The following TENM3 variants were observed in gnomAD, a reference collection of about 807,000 sequenced individuals.
The protein encoded by TENM3 is teneurin-3.
A neutral mutation model predicts 255.1 loss-of-function variants in TENM3; 63 were observed. The observed-to-expected ratio is 0.25, with a 90% CI of 0.20 to 0.30. TENM3 has a LOEUF of 0.30. Ranked by LOEUF, TENM3 falls within the 10% of genes least tolerant of loss-of-function variation. TENM3 has a pLI of 1.00. For missense variants in TENM3, 2,929 were observed against 3,461.1 expected, an observed-to-expected ratio of 0.85 and a Z score of 3.86; for synonymous variants, 1,306 against 1,322.3, an observed-to-expected ratio of 0.99 and a Z score of 0.27.
chr4:182,326,713 A>G (rs1037147014), intron 2 of TENM3, among the ~76,000 whole-genome samples: 1 of 135,544 alleles, frequency 7.4e-6, no homozygotes, highest in Non-Finnish European at 1.6e-5. Context: ...AATTTTAAAG[A>G]CATTTTTTTT....
intron 1 of TENM3, among the ~76,000 whole-genome samples, chr4:182,282,719 C>G (rs528422584): frequency 6.6e-6 from 1 of 151,912 alleles, no homozygotes; most frequent in South Asian, 2.1e-4. Context: ...ATAGTGAAAC[C>G]CCGTCTCTAC....
chr4:181,777,148 G>T, the TENM3 span, among the ~76,000 whole-genome samples: 1 of 151,996 alleles, frequency 6.6e-6, no homozygotes, highest in South Asian at 2.1e-4. Context: ...TTCTGCATAT[G>T]GATATCCAGT....
Position 182,793,646 on chromosome 4 carries a change from A to G in TENM3, c.6974A>G (p.Tyr2325Cys), listed in dbSNP as rs745386505. ...CAGTACACTGCATATGGGGAAATCT[A>G]TTTTGACTCTAATATTGACTTTCAA... ...QIQYTAYGEI[Y>C]FDSNIDFQLV... The change falls in exon 26 of 28, where the codon TAT (tyrosine) becomes TGT (cysteine). Residue 2325 changes from tyrosine to cysteine, a missense_variant. Physicochemically the swap from Tyr to Cys is radical, Grantham distance 194. This residue lies in a region of TENM3 where 256 missense variants were observed against 389.3 expected (regional missense o/e 0.66). Transcript: ENST00000511685. This position sits in a 1 kb window ranked among gnomAD's most constrained non-coding sequence, Gnocchi z 5.7. 2.5e-6 allele frequency: 4 copies of G among 1,613,994 alleles called. No individual in the cohort carries two copies. In the South Asian group the frequency reaches 3.3e-5, roughly 13 times the overall value.
chr4:182,624,055 C>A (rs1561020780), intron 4 of TENM3, among the ~76,000 whole-genome samples: 1 of 151,756 alleles, frequency 6.6e-6, no homozygotes, highest in African/African-American at 2.4e-5. Context: ...CCTCTGCTCT[C>A]AGGCCCCTTG....
At chr4:181,645,237 A>G in the TENM3 span, among the ~76,000 whole-genome samples, 11 of 152,204 alleles carry the variant, frequency 7.2e-5, no homozygotes, top group African/African-American at 2.7e-4. Context: ...GGGAGATTAC[A>G]GTTTTAGACC....
At chr4:182,381,848 A>C (rs1464246924) in intron 3 of TENM3, among the ~76,000 whole-genome samples, 1 of 152,206 alleles carries the variant, frequency 6.6e-6, no homozygotes, top group African/African-American at 2.4e-5. Flanking sequence ...GGCGTGAGCC[A>C]CCACACCGGG....
At position 182,297,141 on chromosome 4, in the gene TENM3, G is replaced by T. The variant is rs187431344; in HGVS notation, c.-75-26805G>T. 2.0e-3 allele frequency among the ~76,000 whole-genome samples: 301 copies of T among 152,276 alleles called. 2 individuals are homozygous for T. The highest frequency in any genetic ancestry group is 7.0e-3 in the African/African-American group (291 of 41,548). On this transcript the variant is annotated intron_variant, in intron 1 of 27. Coordinates refer to ENST00000511685, the MANE Select transcript of TENM3 (RefSeq NM_001080477.4). Reference sequence around the variant, plus strand: ...ATGGAGAACAGCAGCACCATGCCTGGCTACAGTCCTTTCTGCTCTCCCTCT... The same window carrying T: ...ATGGAGAACAGCAGCACCATGCCTGTCTACAGTCCTTTCTGCTCTCCCTCT...
chr4:182,029,197 C>A, the TENM3 span, among the ~76,000 whole-genome samples: 1 of 152,016 alleles, frequency 6.6e-6, no homozygotes, highest in African/African-American at 2.4e-5. Flanking sequence ...ATCAAGAGAA[C>A]AAGCAGGGGA....
chr4:182,152,324 A>G (rs933766231), intron 1 of TENM3, among the ~76,000 whole-genome samples: 4 of 151,958 alleles, frequency 2.6e-5, no homozygotes, highest in Admixed American at 1.3e-4. Context: ...TTTTTCTTCT[A>G]TGGAGCTACT....
At chr4:182,237,433 T>A (rs1756967238) in intron 1 of TENM3, among the ~76,000 whole-genome samples, 1 of 151,024 alleles carries the variant, frequency 6.6e-6, no homozygotes, top group South Asian at 2.1e-4. Flanking sequence ...TGGTGCTATC[T>A]CGGCTCACTG....
At chr4:182,192,311 C>G (rs1753575791) in intron 1 of TENM3, among the ~76,000 whole-genome samples, 2 of 152,190 alleles carry the variant, frequency 1.3e-5, no homozygotes, top group South Asian at 4.1e-4. Context: ...TTGTAGAGTA[C>G]TTAAAACTTA....
chr4:182,049,521 C>G, the TENM3 span, among the ~76,000 whole-genome samples: 1 of 152,264 alleles, frequency 6.6e-6, no homozygotes, highest in Non-Finnish European at 1.5e-5. Context: ...ATTCAAACGT[C>G]ACCCATTAGC....
chr4:182,332,959 A>G (rs1049958602), intron 2 of TENM3, among the ~76,000 whole-genome samples: 1 of 152,224 alleles, frequency 6.6e-6, no homozygotes, highest in African/African-American at 2.4e-5. Context: ...TGAAAAATCT[A>G]GAGGAATTTA....
chr4:182,346,991 T>A (rs13105895), intron 3 of TENM3, 62 bp downstream of exon 3: 71 of 713,300 alleles, frequency 1.0e-4, no homozygotes, highest in Non-Finnish European at 1.3e-4. Flanking sequence ...TTTGGTTGAC[T>A]CCGCGGGGGG....
chr4:182,614,828 T>C (rs997460811), intron 4 of TENM3, among the ~76,000 whole-genome samples: 3 of 151,910 alleles, frequency 2.0e-5, no homozygotes, highest in Admixed American at 6.6e-5. Context: ...TCAATTACAC[T>C]GGTTTTTTTG....
At chr4:182,454,801 A>G (rs574200292) in intron 3 of TENM3, among the ~76,000 whole-genome samples, 27 of 152,358 alleles carry the variant, frequency 1.8e-4, no homozygotes, top group African/African-American at 6.5e-4. Flanking sequence ...GTATTGTTCA[A>G]TAAGAGGAAG....
chr4:181,920,552 A>G, the TENM3 span, among the ~76,000 whole-genome samples: 2 of 152,240 alleles, frequency 1.3e-5, no homozygotes, highest in African/African-American at 4.8e-5. Flanking sequence ...GTGTCTGTTC[A>G]TATCCTTCGC....
chr4:182,770,346 C>T (rs1191326299), intron 22 of TENM3, among the ~76,000 whole-genome samples: 1 of 152,150 alleles, frequency 6.6e-6, no homozygotes, highest in Non-Finnish European at 1.5e-5. Flanking sequence ...AAACCTTCTT[C>T]AGCACCTCAT....
chr4:182,262,067 G>A (rs955918823), intron 1 of TENM3, among the ~76,000 whole-genome samples: 13 of 152,150 alleles, frequency 8.5e-5, no homozygotes, highest in Admixed American at 4.6e-4. Context: ...AAGGCAGGAG[G>A]CATGAGCACT....
Sources: gnomAD v4.1 joint callset for allele counts (sites outside exome capture counted in the v4.1 genomes callset) on GRCh38, gnomAD v4.1.1 for gene constraint, gnomAD v4.1.1 regional missense constraint, Gnocchi (gnomAD v3.1) non-coding constraint, MANE v1.5 for transcripts, NCBI Gene and HGNC (gene_info 2026-07-23, HGNC 2026-07-21) for gene names.